The following PCBP2 variants were observed in gnomAD, a reference collection of about 807,000 sequenced individuals.
The protein encoded by PCBP2 is poly(rC)-binding protein 2.
In PCBP2, 4 loss-of-function variants were observed where a neutral mutation model predicts 50.1. That is an observed-to-expected ratio of 0.08 (90% CI 0.04 to 0.18). The LOEUF is 0.18. Ranked by LOEUF, PCBP2 falls within the 10% of genes least tolerant of loss-of-function variation. PCBP2 has a pLI of 1.00. For synonymous variants in PCBP2, 179 were observed against 168.0 expected (o/e 1.07, Z -0.51); for missense variants, 161 against 474.3 (o/e 0.34, Z 6.14).
At chr12:53,456,659 G>A (rs1941041719) in intron 5 of PCBP2, among the ~76,000 whole-genome samples, 1 of 152,202 alleles carries the variant, frequency 6.6e-6, no homozygotes, top group Non-Finnish European at 1.5e-5. Context: ...AGGTTAAAAA[G>A]TCAATCTGCT....
rs1395392602 is a variant in PCBP2 at position 53,461,190 on chromosome 12, G to T, written c.504+47G>T. On this transcript the variant is annotated intron_variant, in intron 7 of 14. Transcript: ENST00000546463. Reference sequence around the variant, plus strand: ...GAAAATGGGGGGAGGGCCATTCTGGGGACAGAGGGACTGATCTATATTTAG... The same window carrying T: ...GAAAATGGGGGGAGGGCCATTCTGGTGACAGAGGGACTGATCTATATTTAG... 3 of 1,598,486 alleles carry T rather than the reference G, an allele frequency of 1.9e-6. No individual in the cohort carries two copies. The East Asian group carries it at 6.7e-5, about 36-fold the overall frequency.
At chr12:53,470,599 AAG>A (rs1942156037) in intron 13 of PCBP2, among the ~76,000 whole-genome samples, 1 of 146,516 alleles carries the variant, frequency 6.8e-6, no homozygotes, top group South Asian at 2.2e-4. Flanking sequence ...TTGTAAAGAC[AAG>A]AGTTTCGCCA....
At position 53,471,508 on chromosome 12, in the gene PCBP2, A is replaced by G. The variant is rs1592677249; in HGVS notation, c.883-130A>G. 6.3e-6 allele frequency: 5 copies of G among 795,142 alleles called. No homozygotes were observed. The East Asian group carries it at 8.7e-5, about 14-fold the overall frequency. 49.3% of individuals were successfully genotyped at this position (795,142 alleles called of 1,614,324 possible). A position where few individuals can be genotyped will look rare whatever the true frequency, so the allele number is the denominator to read the frequency against. ...CAAATCCAGGAGGCTGAGGTTGCAC[A>G]GTGAGCCAAGATCAGGCCACTGCAC... is the stretch of plus-strand genomic sequence containing the variant. On this transcript the variant is annotated intron_variant, in intron 13 of 14. Transcript: ENST00000546463.
chr12:53,464,225 C>G (rs1450989257), intron 8 of PCBP2, among the ~76,000 whole-genome samples: 1 of 152,044 alleles, frequency 6.6e-6, no homozygotes, highest in Non-Finnish European at 1.5e-5. Flanking sequence ...GGCAGCAATC[C>G]TCTGTACTTA....
At chr12:53,458,347 C>G (rs1453223461) in intron 5 of PCBP2, among the ~76,000 whole-genome samples, 1 of 152,108 alleles carries the variant, frequency 6.6e-6, no homozygotes, top group Non-Finnish European at 1.5e-5. Flanking sequence ...ATTCTGTTCC[C>G]TAGGCTGGAG....
chr12:53,477,861 C>T (rs548737046), intron 14 of PCBP2, among the ~76,000 whole-genome samples: 2 of 152,204 alleles, frequency 1.3e-5, no homozygotes, highest in South Asian at 2.1e-4. Flanking sequence ...ATCATGTTTT[C>T]ATGACCACAT....
chr12:53,472,005 G>GT (rs1565871299), intron 14 of PCBP2, among the ~76,000 whole-genome samples, 198 bp downstream of exon 14: 1 of 46,492 alleles, frequency 2.2e-5, no homozygotes, highest in Non-Finnish European at 6.7e-5. Context: ...AGGGGTTGGT[G>GT]GGGGGGGGAG....
chr12:53,464,676 C>T (rs1941698314), intron 8 of PCBP2, 84 bp from the exon 9 acceptor site: 3 of 1,532,150 alleles, frequency 2.0e-6, no homozygotes, highest in South Asian at 2.6e-5. Context: ...AAAAAATAAA[C>T]AACTTTTTTT....
intron 5 of PCBP2, among the ~76,000 whole-genome samples, chr12:53,456,955 G>A (rs1466794580): frequency 6.6e-6 from 1 of 152,014 alleles, no homozygotes; most frequent in Non-Finnish European, 1.5e-5. Context: ...TTGACCCCCG[G>A]GATTCTGGAA....
At chr12:53,464,738 G>A in intron 8 of PCBP2, 22 bp from the exon 9 acceptor site, 1 of 1,610,408 alleles carries the variant, frequency 6.2e-7, no homozygotes. Flanking sequence ...CCTGGAGACT[G>A]AAATCCTCTA....
At chr12:53,462,686 T>G (rs898685914) in intron 8 of PCBP2, 119 bp downstream of exon 8, 2 of 659,176 alleles carry the variant, frequency 3.0e-6, no homozygotes, top group African/African-American at 3.6e-5. Flanking sequence ...CTGGCCATAG[T>G]TTGACCGGCT....
chr12:53,471,272 C>G (rs1942213725), intron 13 of PCBP2, among the ~76,000 whole-genome samples: 1 of 151,312 alleles, frequency 6.6e-6, no homozygotes, highest in Non-Finnish European at 1.5e-5. Context: ...TAGCGAGACC[C>G]TCGGTTTTTT....
In PCBP2 at chr12:53,459,255, GTTCT is replaced by G. The variant is rs758526168; in HGVS notation, c.244-8_244-5del. The G allele has an allele frequency of 2.2e-5, 35 of 1,588,542 alleles. No individual in the cohort carries two copies. The highest frequency in any genetic ancestry group is 2.8e-5 in the Non-Finnish European group (33 of 1,166,132). Reference sequence around the variant, plus strand: ...TTTCCAGGGATCTGCTTATTGTGGTGTTCTTTCTTTCTGTAGGACATAAGCAGCT... The same window carrying G: ...TTTCCAGGGATCTGCTTATTGTGGTGTTCTTTCTGTAGGACATAAGCAGCT... On this transcript the variant is annotated splice_polypyrimidine_tract_variant and intron_variant, in intron 5 of 14. Transcript: ENST00000546463.
At chr12:53,477,412 TC>T (rs1376353896) in intron 14 of PCBP2, among the ~76,000 whole-genome samples, 1 of 152,040 alleles carries the variant, frequency 6.6e-6, no homozygotes. Context: ...ACGCCTGTAA[TC>T]CCAGCACTTT....
intron 1 of PCBP2, 64 bp from the exon 2 acceptor site, chr12:53,454,662 A>G: frequency 6.0e-6 from 4 of 667,678 alleles, no homozygotes; most frequent in Non-Finnish European, 2.7e-6. Context: ...TAAGGTGAAA[A>G]TAACTTGGGA....
chr12:53,458,047 G>A (rs1166940665), intron 5 of PCBP2, among the ~76,000 whole-genome samples: 1 of 151,948 alleles, frequency 6.6e-6, no homozygotes, highest in Non-Finnish European at 1.5e-5. Flanking sequence ...TCCTGCCTCG[G>A]CCTCCCCAGT....
chr12:53,469,744 T>A (rs1320373751), intron 13 of PCBP2, among the ~76,000 whole-genome samples: 1 of 147,558 alleles, frequency 6.8e-6, no homozygotes, highest in African/African-American at 2.5e-5. Flanking sequence ...GGAAAGAAAT[T>A]CCTGTACATT....
chr12:53,459,126 CATGGTATTTGAACCTTTTGTCT>C (rs1424954411), intron 5 of PCBP2, 124 bp from the exon 6 acceptor site: 1 of 499,994 alleles, frequency 2.0e-6, no homozygotes, highest in Non-Finnish European at 3.4e-6. Context: ...TTGAGAGGGG[CATGGTATTTGAACCTTTTGTCT>C]ATGGTGGATT....
chr12:53,462,658 C>A, intron 8 of PCBP2, 91 bp downstream of exon 8: 2 of 992,860 alleles, frequency 2.0e-6, no homozygotes, highest in African/African-American at 1.6e-5. Flanking sequence ...ACTCTGCATG[C>A]TTGCTGAAAC....
Sources: allele counts gnomAD v4.1 joint callset (sites outside exome capture counted in the v4.1 genomes callset), GRCh38; gene constraint gnomAD v4.1.1; transcripts MANE v1.5; gene names NCBI Gene and HGNC (gene_info 2026-07-23, HGNC 2026-07-21).